CALD1: variants seen among roughly 807,000 people sequenced by gnomAD.
CALD1 encodes caldesmon 1.
CALD1 carries 33 observed loss-of-function variants against 99.9 expected under a neutral mutation model. The ratio of observed to expected loss-of-function variants is 0.33; its 90% CI spans 0.25 to 0.44. The LOEUF (loss-of-function observed/expected upper bound fraction) is 0.44. CALD1 is among the 20% of genes least tolerant of loss of function. The pLI, the probability that CALD1 is intolerant of heterozygous loss-of-function variation, is 1.00. For synonymous variants in CALD1, 310 were observed against 325.0 expected, an observed-to-expected ratio of 0.95 and a Z score of 0.50; for missense variants, 861 against 962.1, an observed-to-expected ratio of 0.89 and a Z score of 1.39.
intron 3 of CALD1, among the ~76,000 whole-genome samples, chr7:134,870,738 C>T (rs1042371432): frequency 2.6e-5 from 4 of 151,792 alleles, no homozygotes; most frequent in African/African-American, 9.7e-5. Flanking sequence ...CTCTCTCTCT[C>T]TCTCTCTCGC....
chr7:134,951,020 G>A (rs991100792), intron 9 of CALD1, among the ~76,000 whole-genome samples: 1 of 152,140 alleles, frequency 6.6e-6, no homozygotes, highest in East Asian at 1.9e-4. Context: ...CAGCAGATGT[G>A]GTGTCTAGTG....
intron 9 of CALD1, among the ~76,000 whole-genome samples, chr7:134,956,997 T>TA (rs149204696): frequency 2.5e-4 from 37 of 149,060 alleles, no homozygotes; most frequent in African/African-American, 5.1e-4. Flanking sequence ...TTCCTAGCTT[T>TA]AAAAAAAAAA....
At chr7:134,789,116 A>C (rs1036822223) in intron 1 of CALD1, among the ~76,000 whole-genome samples, 1 of 151,346 alleles carries the variant, frequency 6.6e-6, no homozygotes, top group Non-Finnish European at 1.5e-5. Flanking sequence ...TTGATTCCTC[A>C]TGAATTGTAT....
intron 6 of CALD1, 43 bp downstream of exon 6, chr7:134,935,808 A>G (rs1167037723): frequency 1.1e-5 from 17 of 1,534,398 alleles, no homozygotes; most frequent in Non-Finnish European, 1.5e-5. Context: ...CAACAGAAAA[A>G]GCAGTCAGTG....
At chr7:134,913,597 T>C (rs1162139446) in intron 3 of CALD1, among the ~76,000 whole-genome samples, 1 of 152,244 alleles carries the variant, frequency 6.6e-6, no homozygotes, top group Non-Finnish European at 1.5e-5. Context: ...TCAGTGTTAT[T>C]GGTGCATGCT....
chr7:134,944,375 T>C (rs1584636515), intron 7 of CALD1: 1 of 151,196 alleles, frequency 6.6e-6, no homozygotes, highest in African/African-American at 2.4e-5. Flanking sequence ...TTTTGCTCTA[T>C]GCAGTGCACT....
intron 1 of CALD1, among the ~76,000 whole-genome samples, chr7:134,833,063 C>G (rs1799295267): frequency 6.6e-6 from 1 of 152,234 alleles, no homozygotes; most frequent in Non-Finnish European, 1.5e-5. Flanking sequence ...ATAACTGTGT[C>G]TGCATAATGC....
chr7:134,838,939 T>C (rs1799545483), intron 1 of CALD1, among the ~76,000 whole-genome samples: 2 of 152,174 alleles, frequency 1.3e-5, no homozygotes, highest in South Asian at 4.1e-4. Context: ...TAATGATGTG[T>C]AACATATAGA....
the CALD1 span, among the ~76,000 whole-genome samples, chr7:134,724,549 A>C: frequency 6.6e-6 from 1 of 152,226 alleles, no homozygotes; most frequent in Non-Finnish European, 1.5e-5. Context: ...GTAGTGTTGC[A>C]TATGCAATAT....
intron 14 of CALD1, among the ~76,000 whole-genome samples, chr7:134,967,538 G>T (rs948774672): frequency 6.6e-6 from 1 of 151,962 alleles, no homozygotes; most frequent in African/African-American, 2.4e-5. Flanking sequence ...GTGGGGTAGG[G>T]GTGTAAGAAT....
At chr7:134,793,999 T>C (rs1217717247) in intron 1 of CALD1, among the ~76,000 whole-genome samples, 4 of 152,146 alleles carry the variant, frequency 2.6e-5, no homozygotes, top group Non-Finnish European at 5.9e-5. Flanking sequence ...TTTCCTTCTT[T>C]TGGGTACAGA....
rs557534152 is a variant in CALD1, at chr7:134,750,591, C to G, written c.-130+6228C>G. ...ACATGTTTGACTATGTTTATCCTTT[C>G]CATTCCTAGCTATTAACAGAAAAAA... is the stretch of plus-strand genomic sequence containing the variant. On this transcript the variant is annotated intron_variant, in intron 1 of 13. Coordinates refer to the CALD1 transcript ENST00000417172. Among the ~76,000 whole-genome samples the G allele has an allele frequency of 3.3e-5, 5 of 152,262 alleles. No individual in the cohort carries two copies. In the East Asian group the frequency reaches 9.7e-4, roughly 29 times the overall value.
chr7:134,857,800 A>G (rs922459447), intron 2 of CALD1, among the ~76,000 whole-genome samples: 9 of 152,134 alleles, frequency 5.9e-5, no homozygotes, highest in Admixed American at 5.9e-4. Flanking sequence ...AACACACTTG[A>G]TGATCATGAT....
intron 1 of CALD1, among the ~76,000 whole-genome samples, chr7:134,824,049 G>T (rs114400346): frequency 0.01 from 1,539 of 152,286 alleles, 22 homozygotes; most frequent in African/African-American, 0.035. Context: ...AGAAGATTAG[G>T]AGTGCCATTA....
intron 2 of CALD1, among the ~76,000 whole-genome samples, chr7:134,865,740 T>G (rs754745131): frequency 1.1e-4 from 16 of 152,186 alleles, no homozygotes; most frequent in Non-Finnish European, 1.5e-4. Context: ...GCAGACCATG[T>G]GCATCTCCAG....
At chr7:134,809,143 A>G (rs1296463937) in intron 1 of CALD1, among the ~76,000 whole-genome samples, 3 of 152,220 alleles carry the variant, frequency 2.0e-5, no homozygotes, top group African/African-American at 7.2e-5. Context: ...TACCAGTAAA[A>G]GTTCATGAGA....
chr7:134,816,040 A>G (rs1007883792), intron 1 of CALD1, among the ~76,000 whole-genome samples: 1 of 152,184 alleles, frequency 6.6e-6, no homozygotes, highest in Non-Finnish European at 1.5e-5. Context: ...TGTTTTGCTC[A>G]GTGCTATCCT....
At chr7:134,810,255 G>A (rs148470352) in intron 1 of CALD1, among the ~76,000 whole-genome samples, 324 of 152,160 alleles carry the variant, frequency 2.1e-3, no homozygotes, top group African/African-American at 6.0e-3. Flanking sequence ...ATCAGTGGTC[G>A]GAGATAGCAA....
At chr7:134,911,042 G>A (rs987426576) in intron 3 of CALD1, among the ~76,000 whole-genome samples, 94 of 152,266 alleles carry the variant, frequency 6.2e-4, no homozygotes, top group African/African-American at 2.2e-3. Context: ...TGAAAGAAGT[G>A]CAAAGTGTTG....
Sources: gnomAD v4.1 joint callset for allele counts (sites outside exome capture counted in the v4.1 genomes callset) on GRCh38, gnomAD v4.1.1 for gene constraint, MANE v1.5 for transcripts, NCBI Gene and HGNC (gene_info 2026-07-23, HGNC 2026-07-21) for gene names.